Variants in ADGRA3 observed in about 807,000 individuals in gnomAD.
ADGRA3 encodes the protein adhesion G protein-coupled receptor A3.
In ADGRA3, 56 loss-of-function variants were observed where a neutral mutation model predicts 119.8. That is an observed-to-expected ratio of 0.47 (90% confidence interval 0.38 to 0.58). The LOEUF (loss-of-function observed/expected upper bound fraction) is 0.58. Among genes scored for constraint, ADGRA3 ranks in the 20% least tolerant of loss-of-function variants. ADGRA3 has a pLI of 0.00. For synonymous variants in ADGRA3, 607 were observed against 623.8 expected, an observed-to-expected ratio of 0.97 and a Z score of 0.40; for missense variants, 1,516 against 1,649.0, an observed-to-expected ratio of 0.92 and a Z score of 1.40.
intron 3 of ADGRA3, among the ~76,000 whole-genome samples, chr4:22,460,022 A>G (rs1279562152): frequency 1.3e-5 from 2 of 152,138 alleles, no homozygotes; most frequent in Non-Finnish European, 2.9e-5. Flanking sequence ...TCAAAGAACT[A>G]AACTACTGTC....
chr4:22,499,782 A>G (rs1260824794), intron 1 of ADGRA3, among the ~76,000 whole-genome samples: 2 of 152,208 alleles, frequency 1.3e-5, no homozygotes, highest in Non-Finnish European at 2.9e-5. Flanking sequence ...CATTTCCACA[A>G]CCACTTAATG....
intron 1 of ADGRA3, among the ~76,000 whole-genome samples, chr4:22,512,400 A>C (rs1206088685): frequency 1.3e-5 from 2 of 152,174 alleles, no homozygotes; most frequent in Admixed American, 6.5e-5. Context: ...CTGGAGAAGA[A>C]AGAGCATGTT....
intron 17 of ADGRA3, among the ~76,000 whole-genome samples, chr4:22,389,932 C>T (rs1714039447): frequency 6.6e-6 from 1 of 152,054 alleles, no homozygotes; most frequent in African/African-American, 2.4e-5. Context: ...TGAGACATGG[C>T]CCCAAATCTT....
chr4:22,471,812 TG>T (rs1717866309), intron 2 of ADGRA3, among the ~76,000 whole-genome samples: 1 of 152,160 alleles, frequency 6.6e-6, no homozygotes, highest in African/African-American at 2.4e-5. Context: ...TTGGGATTCG[TG>T]AATAAACATA....
chr4:22,406,199 C>T (rs1415293307), intron 14 of ADGRA3, among the ~76,000 whole-genome samples: 2 of 152,042 alleles, frequency 1.3e-5, no homozygotes, highest in East Asian at 3.9e-4. Context: ...ACCATATTTT[C>T]TTTACCCATT....
chr4:22,488,200 T>C (rs1053831089), intron 1 of ADGRA3, among the ~76,000 whole-genome samples: 1 of 152,180 alleles, frequency 6.6e-6, no homozygotes, highest in Non-Finnish European at 1.5e-5. Context: ...AATTGTTTCA[T>C]GGCTGCTTTC....
intron 2 of ADGRA3, among the ~76,000 whole-genome samples, chr4:22,462,208 A>T (rs1324538724): frequency 6.6e-6 from 1 of 152,180 alleles, no homozygotes; most frequent in Non-Finnish European, 1.5e-5. Flanking sequence ...AATTTTAAAA[A>T]ACCATCTTCA....
At chr4:22,395,141 TA>T (rs1191824217) in intron 16 of ADGRA3, among the ~76,000 whole-genome samples, 2 of 152,294 alleles carry the variant, frequency 1.3e-5, no homozygotes, top group Non-Finnish European at 2.9e-5. Context: ...TAACTAATGT[TA>T]AATGCAGTAG....
intron 16 of ADGRA3, among the ~76,000 whole-genome samples, chr4:22,399,874 T>C (rs903427194): frequency 3.3e-5 from 5 of 152,188 alleles, no homozygotes; most frequent in African/African-American, 1.2e-4. Flanking sequence ...CAGATTAATC[T>C]TAAAAGGAAT....
intron 16 of ADGRA3, among the ~76,000 whole-genome samples, chr4:22,396,207 G>A (rs1714342552): frequency 6.6e-6 from 1 of 152,142 alleles, no homozygotes; most frequent in Admixed American, 6.5e-5. Flanking sequence ...GCAAAAGAGA[G>A]TTAAAGGCCG....
intron 16 of ADGRA3, among the ~76,000 whole-genome samples, chr4:22,396,235 C>A (rs992209482): frequency 2.6e-5 from 4 of 152,134 alleles, no homozygotes; most frequent in African/African-American, 9.7e-5. Flanking sequence ...CACCTAAGGT[C>A]CTACCTGAAA....
intron 4 of ADGRA3, among the ~76,000 whole-genome samples, chr4:22,448,107 T>C (rs1167747950): frequency 6.6e-6 from 1 of 152,180 alleles, no homozygotes; most frequent in African/African-American, 2.4e-5. Flanking sequence ...CGCAGCGTTT[T>C]GAATGAATGG....
intron 5 of ADGRA3, among the ~76,000 whole-genome samples, chr4:22,445,585 GCAAT>G (rs1716803525): frequency 6.6e-6 from 1 of 152,082 alleles, no homozygotes; most frequent in African/African-American, 2.4e-5. Context: ...GCTGATTCTG[GCAAT>G]CAAACAGCAA....
Position 22,515,668 on chromosome 4 carries a change from C to A in ADGRA3, c.117G>T (p.Leu39=). The change falls in exon 1 of 19, where the codon CTG becomes CTT. Residue 39 remains leucine (L), a synonymous_variant. Transcript: ENST00000334304. ...GGGGGGGAAA[L]PAGCKHDGRP... ...GCCCATCGTGCTTGCAGCCGGCGGG[C>A]AGCGCCGCGGCGCCGCCGCCGCCGC... 8.4e-7 allele frequency: 1 copy of A among 1,190,542 alleles called. No individual in the cohort carries two copies. Among genetic ancestry groups the A allele is most frequent in the Non-Finnish European group, 1.0e-6 (1 of 959,764 alleles). The allele number at this position is 1,190,542 out of a possible 1,614,324, so 73.7% of individuals were successfully genotyped here.
intron 4 of ADGRA3, among the ~76,000 whole-genome samples, chr4:22,453,087 A>G (rs1434636827): frequency 6.6e-6 from 1 of 151,832 alleles, no homozygotes; most frequent in African/African-American, 2.4e-5. Context: ...CTGTAATCCC[A>G]GCTACTCGCA....
At chr4:22,500,338 T>C (rs904650198) in intron 1 of ADGRA3, among the ~76,000 whole-genome samples, 2 of 152,202 alleles carry the variant, frequency 1.3e-5, no homozygotes, top group Non-Finnish European at 2.9e-5. Flanking sequence ...CAGGCTTCAG[T>C]TGGCACTCCT....
intron 1 of ADGRA3, among the ~76,000 whole-genome samples, chr4:22,488,076 T>C (rs371808842): frequency 2.0e-4 from 31 of 152,244 alleles, no homozygotes; most frequent in African/African-American, 6.7e-4. Context: ...CCGGAATCCA[T>C]AGACAGGGAT....
Position 22,388,400 on chromosome 4 carries a change from T to TG in ADGRA3, c.3270dup (p.Asn1091GlnfsTer2). The TG allele has an allele frequency of 6.2e-7, 1 of 1,614,064 alleles. No individual in the cohort carries two copies. Among genetic ancestry groups the TG allele is most frequent in the Non-Finnish European group, 8.5e-7 (1 of 1,179,996 alleles). On this transcript the variant is annotated frameshift_variant, in exon 19 of 19. Transcript: ENST00000334304. LOFTEE classifies it high-confidence loss of function. The stretch of plus-strand genomic sequence containing the variant: ...GTGCATGAAGACTCCGCACTGCTAT[T>TG]GGGGCATTTGGGTGCCTCTCCATTC...
chr4:22,400,879 T>A (rs1714605938), intron 16 of ADGRA3, among the ~76,000 whole-genome samples: 1 of 152,168 alleles, frequency 6.6e-6, no homozygotes, highest in African/African-American at 2.4e-5. Flanking sequence ...AAATAAAATG[T>A]TACGTATTTT....
Sources: gnomAD v4.1 joint callset for allele counts (sites outside exome capture counted in the v4.1 genomes callset) on GRCh38, gnomAD v4.1.1 for gene constraint, MANE v1.5 for transcripts, NCBI Gene and HGNC (gene_info 2026-07-23, HGNC 2026-07-21) for gene names.